Variants in KCNQ1 observed in about 807,000 individuals in gnomAD.
The protein encoded by KCNQ1 is potassium voltage-gated channel subfamily KQT member 1.
KCNQ1 carries 49 observed loss-of-function variants against 72.4 expected under a neutral mutation model. That is an observed-to-expected ratio of 0.68 (90% confidence interval 0.54 to 0.86). The LOEUF is 0.86. Among genes scored for constraint, KCNQ1 ranks in the 40% least tolerant of loss-of-function variants. The pLI, the probability that KCNQ1 is intolerant of heterozygous loss-of-function variation, is 0.00. For missense variants in KCNQ1, 790 were observed against 945.1 expected (o/e 0.84, Z 2.15); for synonymous variants, 450 against 412.6 (o/e 1.09, Z -1.10).
intron 11 of KCNQ1, chr11:2,688,583 C>T (rs374115957): frequency 7.8e-5 from 31 of 398,668 alleles, no homozygotes; most frequent in East Asian, 6.8e-4. Context: ...AGCCAGTGCT[C>T]GCTCACTGAG....
rs142987963 is a variant in KCNQ1, at chr11:2,535,956, A to G, written c.477+7938A>G. ...CAGCTGGGGGCAGGGGCGCTGCTGA[A>G]GCCACAGTCTCAGAGCCTGAGGCCC... On this transcript the variant is annotated intron_variant, in intron 2 of 15. Coordinates refer to ENST00000155840, the MANE Select transcript of KCNQ1 (RefSeq NM_000218.3). Among the ~76,000 whole-genome samples the G allele has an allele frequency of 2.5e-3, 386 of 152,108 alleles. 2 individuals are homozygous for G. Among genetic ancestry groups the G allele is most frequent in the African/African-American group, 8.9e-3 (368 of 41,514 alleles).
At chr11:2,489,940 AG>A (rs1282301766) in intron 1 of KCNQ1, among the ~76,000 whole-genome samples, 1 of 152,106 alleles carries the variant, frequency 6.6e-6, no homozygotes, top group Admixed American at 6.5e-5. Flanking sequence ...GCTTGACCAC[AG>A]TGGGGTAGAG....
intron 1 of KCNQ1, among the ~76,000 whole-genome samples, chr11:2,504,678 A>G (rs1847073959): frequency 6.6e-6 from 1 of 152,120 alleles, no homozygotes; most frequent in Admixed American, 6.5e-5. Context: ...AATCACTCGA[A>G]CTCAGGAGGC....
chr11:2,470,704 T>TG (rs113753362), intron 1 of KCNQ1, among the ~76,000 whole-genome samples: 8,563 of 88,512 alleles, frequency 0.097, 400 homozygotes, highest in Middle Eastern at 0.11. Context: ...CTCAGTTAGG[T>TG]GGGGGGGGGG....
chr11:2,597,524 T>C (rs1029450285), intron 10 of KCNQ1, among the ~76,000 whole-genome samples: 1 of 152,322 alleles, frequency 6.6e-6, no homozygotes, highest in South Asian at 2.1e-4. Flanking sequence ...AGGACATCCC[T>C]GATATCTGAT....
rs140327302 is a variant in KCNQ1, at chr11:2,642,073, A to G, written c.1394-19888A>G. On this transcript the variant is annotated intron_variant, in intron 10 of 15. Transcript: ENST00000155840. This position sits in a 1 kb window ranked among gnomAD's most constrained non-coding sequence, Gnocchi z 4.3. Reference sequence around the variant, plus strand: ...GCAGTGTGATGCATCCAACTTTGTTATTTTTGCTCAGAATTGCTGTGGCTA... The same window carrying G: ...GCAGTGTGATGCATCCAACTTTGTTGTTTTTGCTCAGAATTGCTGTGGCTA... 3 of 398,224 alleles carry G rather than the reference A, an allele frequency of 7.5e-6. No homozygotes were observed. Among genetic ancestry groups the G allele is most frequent in the African/African-American group, 6.2e-5 (3 of 48,700 alleles). The allele number at this position is 398,224 out of a possible 1,614,324, so 24.7% of individuals were successfully genotyped here. A position where few individuals can be genotyped will look rare whatever the true frequency, so the allele number is the denominator to read the frequency against.
Position 2,659,225 on chromosome 11 carries a change from C to G in KCNQ1, c.1394-2736C>G, listed in dbSNP as rs182090191. The G allele has an allele frequency of 6.8e-5, 27 of 398,570 alleles. 1 individual carries two copies. The East Asian group carries it at 9.6e-4, about 14-fold the overall frequency. 24.7% of individuals were successfully genotyped at this position (398,570 alleles called of 1,614,324 possible). On this transcript the variant is annotated intron_variant, in intron 10 of 15. Transcript: ENST00000155840. This position sits in a 1 kb window ranked among gnomAD's most constrained non-coding sequence, Gnocchi z 4.3. ...AGTATCATTCACAGAAGTTCCATAC[C>G]CCTAAAAATACCCTGGGGTGAGTCT...
intron 10 of KCNQ1, chr11:2,618,473 G>A (rs1374194394): frequency 5.0e-6 from 2 of 398,496 alleles, no homozygotes; most frequent in East Asian, 7.1e-5. Context: ...TTTCTGCATT[G>A]TTTTCTTCGT....
In KCNQ1 at chr11:2,620,505, C is replaced by T. The variant is rs73415358; in HGVS notation, c.1393+31651C>T. On this transcript the variant is annotated intron_variant, in intron 10 of 15. Transcript: ENST00000155840. This position sits in a 1 kb window ranked among gnomAD's most constrained non-coding sequence, Gnocchi z 4.5. ...TGCTGGGATTACAGGTGAGAGCTACCGCACCTGGCCGAATTCATTCATTTT... is the reference window on the plus strand; with the variant it reads ...TGCTGGGATTACAGGTGAGAGCTACTGCACCTGGCCGAATTCATTCATTTT... 10,875 of 374,282 alleles carry T rather than the reference C, an allele frequency of 0.029. 513 individuals are homozygous for T. The highest frequency in any genetic ancestry group is 0.12 in the African/African-American group (6,003 of 48,118). The allele number at this position is 374,282 out of a possible 1,614,324, so 23.2% of individuals were successfully genotyped here.
In KCNQ1 at chr11:2,488,250, T is replaced by G. The variant is rs1330266400; in HGVS notation, c.387-39678T>G. On this transcript the variant is annotated intron_variant, in intron 1 of 15. Transcript: ENST00000155840. The surrounding 1 kb of genome is among the most constrained non-coding windows in gnomAD (Gnocchi z 5.1). ...ATGATATGTAATACTTTAACTATGTTTCTGAACTCAGTTTGCTATTTTGTT... is the reference window on the plus strand; with the variant it reads ...ATGATATGTAATACTTTAACTATGTGTCTGAACTCAGTTTGCTATTTTGTT... Among the ~76,000 whole-genome samples the G allele has an allele frequency of 2.0e-5, 3 of 152,246 alleles. No individual in the cohort carries two copies. The highest frequency in any genetic ancestry group is 2.9e-5 in the Non-Finnish European group (2 of 68,038).
chr11:2,799,375 A>AGTGTGTGTGTGTATGTGTGTGT (rs3085903), intron 15 of KCNQ1, among the ~76,000 whole-genome samples: 22 of 147,400 alleles, frequency 1.5e-4, no homozygotes, highest in African/African-American at 5.2e-4. Context: ...TGTAAGTTCG[A>AGTGTGTGTGTGTATGTGTGTGT]GTGTGTGTGT....
At chr11:2,629,467 TA>T in intron 10 of KCNQ1, 1 of 398,538 alleles carries the variant, frequency 2.5e-6, no homozygotes, top group Admixed American at 4.4e-5. Flanking sequence ...TTTTAGGTCT[TA>T]CATTTAGGTC....
chr11:2,556,083 T>G (rs1188181158), intron 2 of KCNQ1, among the ~76,000 whole-genome samples: 1 of 151,934 alleles, frequency 6.6e-6, no homozygotes, highest in Non-Finnish European at 1.5e-5. Context: ...TGTGAGGGAG[T>G]GTTCCAGGCC....
At chr11:2,546,534 A>C (rs1778881477) in intron 2 of KCNQ1, among the ~76,000 whole-genome samples, 1 of 152,154 alleles carries the variant, frequency 6.6e-6, no homozygotes, top group Non-Finnish European at 1.5e-5. Flanking sequence ...CTATTAATTC[A>C]TTCTTGGGAG....
At chr11:2,798,651 T>C (rs899311559) in intron 15 of KCNQ1, among the ~76,000 whole-genome samples, 10 of 152,222 alleles carry the variant, frequency 6.6e-5, no homozygotes, top group African/African-American at 2.4e-4. Context: ...TAGTTTATAA[T>C]CCTTGCAGGT....
Position 2,593,948 on chromosome 11 carries a change from G to C in KCNQ1, c.1393+5094G>C, listed in dbSNP as rs1848703338. Among the ~76,000 whole-genome samples, 1 of 152,190 alleles carries C rather than the reference G, an allele frequency of 6.6e-6. No individual in the cohort carries two copies. The highest frequency in any genetic ancestry group is 2.4e-5 in the African/African-American group (1 of 41,464). On this transcript the variant is annotated intron_variant, in intron 10 of 15. Transcript: ENST00000155840. This position sits in a 1 kb window ranked among gnomAD's most constrained non-coding sequence, Gnocchi z 6.9. Reference sequence around the variant, plus strand: ...CTCACTGGGACCTCAAGGTGCTCCAGATCCTACTGCCTCCTGCCGTTTCCT... The same window carrying C: ...CTCACTGGGACCTCAAGGTGCTCCACATCCTACTGCCTCCTGCCGTTTCCT...
At chr11:2,741,700 G>C (rs1704617692) in intron 11 of KCNQ1, among the ~76,000 whole-genome samples, 1 of 152,236 alleles carries the variant, frequency 6.6e-6, no homozygotes, top group Admixed American at 6.5e-5. Flanking sequence ...CTGTGAGTGG[G>C]GGCAGGCTGA....
At position 2,691,933 on chromosome 11, in the gene KCNQ1, T is replaced by A; in HGVS notation, c.1514+29852T>A. ...CTCAGTCTCCTTGGCAGGTTTTCCCTTCTGGCATGGCCACTAAATGCCAGT... is the reference window on the plus strand; with the variant it reads ...CTCAGTCTCCTTGGCAGGTTTTCCCATCTGGCATGGCCACTAAATGCCAGT... On this transcript the variant is annotated intron_variant, in intron 11 of 15. Transcript: ENST00000155840. The surrounding 1 kb of genome is among the most constrained non-coding windows in gnomAD (Gnocchi z 6.4). The A allele has an allele frequency of 2.5e-6, 1 of 398,728 alleles. No homozygotes were observed. Among genetic ancestry groups the A allele is most frequent in the Non-Finnish European group, 4.4e-6 (1 of 226,158 alleles). The allele number at this position is 398,728 out of a possible 1,614,324, so 24.7% of individuals were successfully genotyped here.
At position 2,467,285 on chromosome 11, in the gene KCNQ1, G is replaced by C. The variant is rs548250814; in HGVS notation, c.386+21801G>C. ...CATGAGCGCCCTTCGTGGCACCTTG[G>C]TGTCCGGCAGGGAGGCAGGGGCCCA... On this transcript the variant is annotated intron_variant, in intron 1 of 15. Coordinates refer to ENST00000155840, the MANE Select transcript of KCNQ1 (RefSeq NM_000218.3). Among the ~76,000 whole-genome samples the C allele has an allele frequency of 3.9e-3, 587 of 152,278 alleles. 5 individuals carry two copies. Among genetic ancestry groups the C allele is most frequent in the African/African-American group, 0.013 (551 of 41,566 alleles).
Sources: allele counts gnomAD v4.1 joint callset (sites outside exome capture counted in the v4.1 genomes callset), GRCh38; gene constraint gnomAD v4.1.1; non-coding constraint Gnocchi (gnomAD v3.1); transcripts MANE v1.5; gene names NCBI Gene and HGNC (gene_info 2026-07-23, HGNC 2026-07-21).